ATP5F1C: variants seen among roughly 807,000 people sequenced by gnomAD.
The protein encoded by ATP5F1C is ATP synthase F1 subunit gamma.
In ATP5F1C, 22 loss-of-function variants were observed where a neutral mutation model predicts 37.4. That is an observed-to-expected ratio of 0.59 (90% CI 0.42 to 0.84). The LOEUF is 0.84. Ranked by LOEUF, ATP5F1C falls within the 40% of genes least tolerant of loss-of-function variation. The pLI is 0.00. For synonymous variants in ATP5F1C, 121 were observed against 128.0 expected (o/e 0.95, Z 0.37); for missense variants, 286 against 362.4 (o/e 0.79, Z 1.71).
chr10:7,790,763 C>T (rs1836150021), intron 1 of ATP5F1C, among the ~76,000 whole-genome samples: 1 of 152,166 alleles, frequency 6.6e-6, no homozygotes, highest in Non-Finnish European at 1.5e-5. Flanking sequence ...GCTCTGTGAC[C>T]TTGGGCAGGT....
At position 7,799,019 on chromosome 10, in the gene ATP5F1C, C is replaced by T. The variant is rs1250721972; in HGVS notation, c.253C>T (p.Pro85Ser). ...GTATGAAAAAGCTGATATCAAGGGG[C>T]CTGAAGACAAGAAGAAACACCTCCT... ...ALYEKADIKG[P>S]EDKKKHLLIG... Residue 85 changes from proline to serine, a missense_variant, in exon 4 of 10, where the codon CCT becomes TCT. By Grantham distance (74) the Pro-to-Ser change is moderately conservative (BLOSUM62 -1). Coordinates refer to ENST00000356708, the MANE Select transcript of ATP5F1C (RefSeq NM_001001973.3). 6.2e-7 allele frequency: 1 copy of T among 1,612,104 alleles called. No homozygotes were observed. Among genetic ancestry groups the T allele is most frequent in the South Asian group, 1.1e-5 (1 of 90,982 alleles).
chr10:7,803,805 C>T (rs1836421529), intron 8 of ATP5F1C, among the ~76,000 whole-genome samples: 1 of 152,174 alleles, frequency 6.6e-6, no homozygotes, highest in African/African-American at 2.4e-5. Context: ...TTAGATAAAA[C>T]GTGTAGTAAG....
intron 8 of ATP5F1C, 100 bp from the exon 9 acceptor site, chr10:7,806,874 T>G (rs1836492476): frequency 9.9e-7 from 1 of 1,006,348 alleles, no homozygotes; most frequent in Non-Finnish European, 1.5e-6. Context: ...GTTTAACAAT[T>G]GACTTTTTTT....
chr10:7,795,775 A>T (rs1353262676), intron 1 of ATP5F1C, among the ~76,000 whole-genome samples: 1 of 152,186 alleles, frequency 6.6e-6, no homozygotes, highest in East Asian at 1.9e-4. Flanking sequence ...GATTCGAAGT[A>T]TAGTTGGGCA....
rs779491047 is a variant in ATP5F1C at position 7,788,218 on chromosome 10, G to C, written c.11G>C (p.Arg4Pro). 1.9e-6 allele frequency: 3 copies of C among 1,613,526 alleles called. No homozygotes were observed. The highest frequency in any genetic ancestry group is 2.5e-6 in the Non-Finnish European group (3 of 1,179,936). The change falls in exon 1 of 10, where the codon CGC becomes CCC. Residue 4 changes from arginine to proline, a missense_variant. Arg to Pro is a moderately radical substitution (Grantham distance 103). Transcript: ENST00000356708. ...AGGGCTGTGGCTACCATGTTCTCTC[G>C]CGCGGGTGTCGCTGGGCTGTCGGCC... MFSRAGVAGLSAWT... is the reference protein window; with the variant it reads MFSPAGVAGLSAWT...
intron 1 of ATP5F1C, among the ~76,000 whole-genome samples, chr10:7,793,753 A>G (rs1311341135): frequency 6.6e-6 from 1 of 152,180 alleles, no homozygotes; most frequent in African/African-American, 2.4e-5. Flanking sequence ...ATGGTTTGGC[A>G]TTTTATATTT....
chr10:7,807,720 G>A lies in ATP5F1C; in HGVS notation c.*92G>A. 1 of 1,578,862 alleles carries A rather than the reference G, an allele frequency of 6.3e-7. No individual in the cohort carries two copies. The highest frequency in any genetic ancestry group is 1.2e-5 in the South Asian group (1 of 86,260). ...TAGCTTACTGCTGCCTTTGTCCGAA[G>A]AAACTGTTCCTCCATTATTTGAATT... On this transcript the variant is annotated 3_prime_UTR_variant, in exon 10 of 10. Coordinates refer to ENST00000356708, the MANE Select transcript of ATP5F1C (RefSeq NM_001001973.3).
chr10:7,796,991 C>T (rs1836251396), intron 2 of ATP5F1C, 56 bp from the exon 3 acceptor site: 4 of 1,563,836 alleles, frequency 2.6e-6, no homozygotes, highest in Non-Finnish European at 2.6e-6. Flanking sequence ...TCAATAAATT[C>T]ACAAGGAAGT....
chr10:7,791,395 G>A lies in ATP5F1C; in HGVS notation c.56+3132G>A, dbSNP rs963013351. ...GGTGGCAGGTAATGGACTTTTACAC[G>A]CTTAATATCAGAATTAGAGTCACTT... On this transcript the variant is annotated intron_variant, in intron 1 of 9. Transcript: ENST00000356708. Among the ~76,000 whole-genome samples, 6 of 152,104 alleles carry A rather than the reference G, an allele frequency of 3.9e-5. No homozygotes were observed. In the South Asian group the frequency reaches 8.3e-4, roughly 21 times the overall value.
chr10:7,799,245 A>G (rs747383071), intron 4 of ATP5F1C, 51 bp downstream of exon 4: 60 of 1,539,300 alleles, frequency 3.9e-5, no homozygotes, highest in Non-Finnish European at 5.2e-5. Flanking sequence ...GCACGAATAA[A>G]TCTTCTCTCA....
At chr10:7,788,350 G>T in intron 1 of ATP5F1C, 87 bp downstream of exon 1, 1 of 1,541,564 alleles carries the variant, frequency 6.5e-7, no homozygotes, top group South Asian at 1.1e-5. Context: ...GGGCGCGGGG[G>T]CAGATGTGGG....
rs146242274 is a variant in ATP5F1C at position 7,798,720 on chromosome 10, G to A, written c.224-270G>A. 4.6e-3 allele frequency among the ~76,000 whole-genome samples: 701 copies of A among 150,852 alleles called. 1 individual carries two copies. The highest frequency in any genetic ancestry group is 7.1e-3 in the Non-Finnish European group (480 of 67,804). On this transcript the variant is annotated intron_variant, in intron 3 of 9. Coordinates refer to ENST00000356708, the MANE Select transcript of ATP5F1C (RefSeq NM_001001973.3). Reference sequence around the variant, plus strand: ...CAATTTTTATATTTTTAATAGAGACGGGATTTCACTACGTTGGCCAGGCCG... The same window carrying A: ...CAATTTTTATATTTTTAATAGAGACAGGATTTCACTACGTTGGCCAGGCCG...
Position 7,797,160 on chromosome 10 carries a change from T to C in ATP5F1C, c.205T>C (p.Tyr69His). 6.2e-7 allele frequency: 1 copy of C among 1,614,038 alleles called. No individual in the cohort carries two copies. Among genetic ancestry groups the C allele is most frequent in the Non-Finnish European group, 8.5e-7 (1 of 1,179,994 alleles). The change falls in exon 3 of 10, where the codon TAT (tyrosine) becomes CAT (histidine). Residue 69 changes from tyrosine to histidine, a missense_variant. Physicochemically the swap from Tyr to His is moderately conservative, Grantham distance 83 (BLOSUM62 2). Coordinates refer to ENST00000356708, the MANE Select transcript of ATP5F1C (RefSeq NM_001001973.3). ...GAGAGAGCTGAAACCAGCTCGAATA[T>C]ATGGATTGGGATCTTTAGGTAAGGG... ...AERELKPARI[Y>H]GLGSLALYEK...
At chr10:7,793,994 C>CCTT (rs1836199652) in intron 1 of ATP5F1C, among the ~76,000 whole-genome samples, 1 of 152,126 alleles carries the variant, frequency 6.6e-6, no homozygotes, top group South Asian at 2.1e-4. Context: ...AGGTCTTTGG[C>CCTT]CTTCCTATAT....
intron 7 of ATP5F1C, 150 bp downstream of exon 7, chr10:7,802,575 A>G: frequency 8.9e-7 from 1 of 1,126,968 alleles, no homozygotes; most frequent in Non-Finnish European, 1.3e-6. Context: ...TAGGTAGTTG[A>G]TTTGCAAGTA....
intron 1 of ATP5F1C, among the ~76,000 whole-genome samples, chr10:7,794,446 A>G (rs1325493243): frequency 6.6e-6 from 1 of 150,992 alleles, no homozygotes; most frequent in Non-Finnish European, 1.5e-5. Context: ...CTTGTTCGCA[A>G]TCTTATGGGG....
chr10:7,805,746 C>CAAAAAAAAAAAAAAAAAAAAAAAA (rs547312025), intron 8 of ATP5F1C, among the ~76,000 whole-genome samples: 1 of 89,888 alleles, frequency 1.1e-5, no homozygotes, highest in Non-Finnish European at 2.2e-5. Context: ...GACTCCTTCT[C>CAAAAAAAAAAAAAAAAAAAAAAAA]AAAAAAAAAA....
chr10:7,797,271 A>G (rs997890106), intron 3 of ATP5F1C, 93 bp downstream of exon 3: 38 of 1,473,686 alleles, frequency 2.6e-5, no homozygotes, highest in South Asian at 5.2e-5. Flanking sequence ...AGTGATGTCA[A>G]GCCTATCTGA....
chr10:7,795,064 T>C (rs528354831), intron 1 of ATP5F1C, among the ~76,000 whole-genome samples: 72 of 152,354 alleles, frequency 4.7e-4, no homozygotes, highest in African/African-American at 1.6e-3. Flanking sequence ...GCTGAAATAC[T>C]AAACTGATTT....
Sources: gnomAD v4.1 joint callset for allele counts (sites outside exome capture counted in the v4.1 genomes callset) on GRCh38, gnomAD v4.1.1 for gene constraint, MANE v1.5 for transcripts, NCBI Gene and HGNC (gene_info 2026-07-23, HGNC 2026-07-21) for gene names.